IMMP1L: variants seen among roughly 807,000 people sequenced by gnomAD.
The protein encoded by IMMP1L is mitochondrial inner membrane protease subunit 1.
Under a neutral mutation model 21.8 loss-of-function variants are expected in IMMP1L, and 24 were observed. The ratio of observed to expected loss-of-function variants is 1.10; its 90% CI spans 0.80 to 1.55. The LOEUF (loss-of-function observed/expected upper bound fraction) is 1.55. Ranked by LOEUF, IMMP1L falls within the 40% of genes most tolerant of loss-of-function variation. The pLI, the probability that IMMP1L is intolerant of heterozygous loss-of-function variation, is 0.00. For synonymous variants in IMMP1L, 46 were observed against 62.8 expected (o/e 0.73, Z 1.26); for missense variants, 195 against 200.7 (o/e 0.97, Z 0.17).
Position 31,463,218 on chromosome 11 carries a change from C to A in IMMP1L, c.59G>T (p.Gly20Val), listed in dbSNP as rs200943972. 1.1e-5 allele frequency: 18 copies of A among 1,611,734 alleles called. No individual in the cohort carries two copies. In the East Asian group the frequency reaches 4.0e-4, roughly 36 times the overall value. Residue 20 changes from glycine (G) to valine (V), a missense_variant, in exon 2 of 6, where the codon GGC (glycine) becomes GTC (valine). By Grantham distance (109) the Gly-to-Val change is moderately radical (BLOSUM62 -3). Coordinates refer to ENST00000532287, the MANE Select transcript of IMMP1L (RefSeq NM_001304274.2). ...FRLVGYTIQYGCIAHCAFEYV... is the reference protein window; with the variant it reads ...FRLVGYTIQYVCIAHCAFEYV... ...TTCAAAAGCACAATGAGCTATACAG[C>A]CATATTGAATAGTATAGCCAACAAG... is the stretch of plus-strand genomic sequence containing the variant.
intron 4 of IMMP1L, among the ~76,000 whole-genome samples, chr11:31,450,371 G>C (rs1309970268): frequency 6.6e-6 from 1 of 151,434 alleles, no homozygotes; most frequent in Non-Finnish European, 1.5e-5. Flanking sequence ...GGTAAGCCCA[G>C]CATACCTCAA....
intron 2 of IMMP1L, among the ~76,000 whole-genome samples, chr11:31,461,821 G>A (rs948283060): frequency 1.3e-5 from 2 of 151,930 alleles, no homozygotes; most frequent in Non-Finnish European, 2.9e-5. Flanking sequence ...TTCAGATAAG[G>A]GATACTCAAA....
At chr11:31,443,169 T>G (rs554094188) in intron 4 of IMMP1L, among the ~76,000 whole-genome samples, 1 of 152,174 alleles carries the variant, frequency 6.6e-6, no homozygotes, top group Non-Finnish European at 1.5e-5. Context: ...CATATTAAGA[T>G]CCTATGCACA....
At chr11:31,448,974 G>A in intron 4 of IMMP1L, 1 of 985,392 alleles carries the variant, frequency 1.0e-6, no homozygotes, top group Non-Finnish European at 1.2e-6. Flanking sequence ...TAGCAAAAGA[G>A]TAAACATATT....
intron 4 of IMMP1L, among the ~76,000 whole-genome samples, chr11:31,448,285 G>A (rs1480870694): frequency 6.6e-6 from 1 of 152,106 alleles, no homozygotes; most frequent in Non-Finnish European, 1.5e-5. Context: ...TCCAACCTGG[G>A]TTGACAGACT....
intron 4 of IMMP1L, among the ~76,000 whole-genome samples, chr11:31,438,174 C>G (rs1018122519): frequency 2.6e-5 from 4 of 152,122 alleles, no homozygotes; most frequent in Admixed American, 2.6e-4. Context: ...CTCCCAACAA[C>G]CAATGTATGA....
chr11:31,461,281 T>C (rs1038330190), intron 2 of IMMP1L, among the ~76,000 whole-genome samples: 2 of 152,158 alleles, frequency 1.3e-5, no homozygotes, highest in Non-Finnish European at 2.9e-5. Flanking sequence ...AATACTAGCA[T>C]GATGAGATGG....
In IMMP1L at chr11:31,440,023, T is replaced by A. The variant is rs76729819; in HGVS notation, c.322-6453A>T. On this transcript the variant is annotated intron_variant, in intron 4 of 5. Coordinates refer to ENST00000532287, the MANE Select transcript of IMMP1L (RefSeq NM_001304274.2). ...GCCCAAAGCCAAGGGAATATCTACG[T>A]AGATTTCTGGAGATCTTTCTTTAGC... Among the ~76,000 whole-genome samples the A allele has an allele frequency of 1.9e-3, 286 of 152,310 alleles. 4 individuals carry two copies. The East Asian group carries it at 0.029, about 15-fold the overall frequency.
At chr11:31,444,525 A>T (rs1408442169) in intron 4 of IMMP1L, among the ~76,000 whole-genome samples, 3 of 152,156 alleles carry the variant, frequency 2.0e-5, no homozygotes, top group Admixed American at 6.6e-5. Flanking sequence ...CACCTAATTT[A>T]ATGAAATTCA....
intron 4 of IMMP1L, among the ~76,000 whole-genome samples, chr11:31,435,849 G>T (rs1206146389): frequency 6.6e-6 from 1 of 152,130 alleles, no homozygotes; most frequent in Non-Finnish European, 1.5e-5. Flanking sequence ...TCTTAGAAAG[G>T]TCTCATGGTT....
intron 4 of IMMP1L, among the ~76,000 whole-genome samples, chr11:31,443,583 C>T (rs1216949510): frequency 6.6e-6 from 1 of 152,070 alleles, no homozygotes; most frequent in Non-Finnish European, 1.5e-5. Flanking sequence ...TATCTGGAGT[C>T]CTGATAGAAG....
At chr11:31,494,908 T>A (rs1955383111) in intron 1 of IMMP1L, among the ~76,000 whole-genome samples, 1 of 152,208 alleles carries the variant, frequency 6.6e-6, no homozygotes, top group African/African-American at 2.4e-5. Context: ...CCTCCCAAAG[T>A]GCTGGGATTA....
intron 4 of IMMP1L, among the ~76,000 whole-genome samples, chr11:31,442,938 T>C (rs1048282593): frequency 6.6e-6 from 1 of 152,160 alleles, no homozygotes; most frequent in Non-Finnish European, 1.5e-5. Context: ...TTGTGTCTAA[T>C]GGAATAATCA....
At chr11:31,437,792 TTC>T (rs1350641640) in intron 4 of IMMP1L, among the ~76,000 whole-genome samples, 1 of 152,162 alleles carries the variant, frequency 6.6e-6, no homozygotes, top group Non-Finnish European at 1.5e-5. Context: ...GTGAACTGCT[TTC>T]TGTTACTAGA....
chr11:31,477,289 A>C (rs1954758595), intron 1 of IMMP1L: 1 of 152,186 alleles, frequency 6.6e-6, no homozygotes, highest in Non-Finnish European at 1.5e-5. Flanking sequence ...TTAATATTTG[A>C]TCTGAAATAT....
At position 31,432,408 on chromosome 11, in the gene IMMP1L, C is replaced by T. The variant is rs1255718955; in HGVS notation, c.*92G>A. The stretch of plus-strand genomic sequence containing the variant: ...ATTAAAAACAACTAAAACTGAATAG[C>T]AAATAGTTTATTGGTAAGTACACGG... On this transcript the variant is annotated 3_prime_UTR_variant, in exon 6 of 6. Transcript: ENST00000532287. 1 of 830,282 alleles carries T rather than the reference C, an allele frequency of 1.2e-6. No homozygotes were observed. The allele number at this position is 830,282 out of a possible 1,614,324, so 51.4% of individuals were successfully genotyped here. A position where few individuals can be genotyped will look rare whatever the true frequency, so the allele number is the denominator to read the frequency against.
chr11:31,472,571 A>C (rs1216926313), intron 1 of IMMP1L, among the ~76,000 whole-genome samples: 1 of 152,214 alleles, frequency 6.6e-6, no homozygotes, highest in Non-Finnish European at 1.5e-5. Context: ...AAAATTCAGA[A>C]TCTGTTACTT....
At chr11:31,455,841 T>C (rs902384359) in intron 4 of IMMP1L, among the ~76,000 whole-genome samples, 5 of 152,190 alleles carry the variant, frequency 3.3e-5, no homozygotes. Context: ...GGTGCTTCAA[T>C]CCAGAGGCTA....
At chr11:31,470,460 CAAG>C (rs1338192373) in intron 1 of IMMP1L, among the ~76,000 whole-genome samples, 1 of 150,196 alleles carries the variant, frequency 6.7e-6, no homozygotes, top group African/African-American at 2.4e-5. Context: ...CAGGCAAATC[CAAG>C]AAGGAAGGAA....
Sources: gnomAD v4.1 joint callset for allele counts (sites outside exome capture counted in the v4.1 genomes callset) on GRCh38, gnomAD v4.1.1 for gene constraint, MANE v1.5 for transcripts, NCBI Gene and HGNC (gene_info 2026-07-23, HGNC 2026-07-21) for gene names.